The following PNPLA1 variants were observed in gnomAD, a reference collection of about 807,000 sequenced individuals.
The protein encoded by PNPLA1 is omega-hydroxyceramide transacylase.
Under a neutral mutation model 51.7 loss-of-function variants are expected in PNPLA1, and 36 were observed. The ratio of observed to expected loss-of-function variants is 0.70; its 90% confidence interval spans 0.53 to 0.92. PNPLA1 has a LOEUF of 0.92. PNPLA1 is among the 40% of genes least tolerant of loss of function. The pLI is 0.00. For synonymous variants in PNPLA1, 293 were observed against 280.1 expected (o/e 1.05, Z -0.46); for missense variants, 658 against 682.5 (o/e 0.96, Z 0.40).
chr6:36,247,548 A>G (rs530508343), intron 1 of PNPLA1, among the ~76,000 whole-genome samples: 1 of 152,362 alleles, frequency 6.6e-6, no homozygotes, highest in African/African-American at 2.4e-5. Context: ...CATATTCATT[A>G]AAGTGTATAG....
Position 36,302,265 on chromosome 6 carries a change from C to T in PNPLA1, c.1180C>T (p.Pro394Ser). ...TGGTTCATCACTGCCCACCCCACCA[C>T]CTGGACTGTCACCTCTGTCACCTCA... ...TPGSSLPTPP[P>S]GLSPLSPQQQ... is the part of the protein sequence containing the mutation. Residue 394 changes from proline (P) to serine (S), a missense_variant, in exon 6 of 9, where the codon CCT becomes TCT. Transcript: ENST00000636260. 1 of 1,614,182 alleles carries T rather than the reference C, an allele frequency of 6.2e-7. No homozygotes were observed. Among genetic ancestry groups the T allele is most frequent in the Non-Finnish European group, 8.5e-7 (1 of 1,180,036 alleles).
chr6:36,281,036 G>A (rs115544770), intron 1 of PNPLA1, among the ~76,000 whole-genome samples: 3,695 of 152,226 alleles, frequency 0.024, 126 homozygotes, highest in African/African-American at 0.078. Context: ...CAATCAATCC[G>A]CCTGCCTCCG....
chr6:36,299,751 G>C (rs1770974127), intron 5 of PNPLA1, among the ~76,000 whole-genome samples: 1 of 152,170 alleles, frequency 6.6e-6, no homozygotes, highest in Non-Finnish European at 1.5e-5. Context: ...ATGACTTTGA[G>C]CATCTTTTCA....
upstream of PNPLA1, among the ~76,000 whole-genome samples, chr6:36,265,354 G>A (rs1425890688): frequency 1.3e-5 from 2 of 151,918 alleles, no homozygotes; most frequent in African/African-American, 2.4e-5. Flanking sequence ...AGAGAAAAAA[G>A]TTATCAGACC....
rs1250195182 is a variant in PNPLA1, at chr6:36,246,402, A to G, written c.-81+3141A>G. Among the ~76,000 whole-genome samples, 5 of 152,046 alleles carry G rather than the reference A, an allele frequency of 3.3e-5. No homozygotes were observed. The East Asian group carries it at 9.7e-4, about 29-fold the overall frequency. On this transcript the variant is annotated intron_variant, in intron 1 of 7. Coordinates refer to the PNPLA1 transcript ENST00000312917. The stretch of plus-strand genomic sequence containing the variant: ...TTGTATTTTTACATGTTGCCTGGCC[A>G]TGTTGCCCAGGCCGATCTTGAACTC...
intron 1 of PNPLA1, among the ~76,000 whole-genome samples, chr6:36,290,857 A>C (rs918000667): frequency 3.9e-5 from 6 of 152,200 alleles, no homozygotes; most frequent in South Asian, 2.1e-4. Flanking sequence ...GTGGGCACCA[A>C]GCAAGTATCC....
In PNPLA1 at chr6:36,312,322, C is replaced by T. The variant is rs1432913121; in HGVS notation, c.*436C>T. 1 of 152,326 alleles carries T rather than the reference C, an allele frequency of 6.6e-6. No individual in the cohort carries two copies. The highest frequency in any genetic ancestry group is 2.1e-4 in the South Asian group (1 of 4,828). 9.4% of individuals were successfully genotyped at this position (152,326 alleles called of 1,614,324 possible). A position where few individuals can be genotyped will look rare whatever the true frequency, so the allele number is the denominator to read the frequency against. ...AACTTTCATACATGGAATGATGTTT[C>T]AAACACCCTTTTATCACCTCCCACT... is the stretch of plus-strand genomic sequence containing the variant. On this transcript the variant is annotated 3_prime_UTR_variant, in exon 9 of 9. Transcript: ENST00000636260.
intron 1 of PNPLA1, among the ~76,000 whole-genome samples, chr6:36,288,441 CTATT>C (rs1327207558): frequency 8.9e-6 from 1 of 112,860 alleles, no homozygotes; most frequent in Non-Finnish European, 1.9e-5. Flanking sequence ...TAAGGAGACC[CTATT>C]TTTTTTTTTT....
chr6:36,265,952 G>T (rs888097735), upstream of PNPLA1, among the ~76,000 whole-genome samples: 1 of 152,084 alleles, frequency 6.6e-6, no homozygotes, highest in African/African-American at 2.4e-5. Context: ...TTATAAAAAG[G>T]CTGCAGCTCC....
chr6:36,248,193 G>A (rs1314835893), intron 1 of PNPLA1, among the ~76,000 whole-genome samples: 1 of 152,102 alleles, frequency 6.6e-6, no homozygotes, highest in Non-Finnish European at 1.5e-5. Flanking sequence ...AGGAAGGGAG[G>A]TGATTTAAAA....
chr6:36,285,422 C>T (rs1770457499), intron 1 of PNPLA1, among the ~76,000 whole-genome samples: 1 of 152,230 alleles, frequency 6.6e-6, no homozygotes, highest in Non-Finnish European at 1.5e-5. Context: ...TCACTGCAGA[C>T]CTAATTCCGG....
intron 1 of PNPLA1, among the ~76,000 whole-genome samples, chr6:36,244,177 AT>A (rs1769212511): frequency 6.6e-6 from 1 of 151,526 alleles, no homozygotes; most frequent in Non-Finnish European, 1.5e-5. Context: ...AGATAATTGC[AT>A]TTACATGGTC....
chr6:36,280,463 T>C (rs1182041595), intron 1 of PNPLA1, among the ~76,000 whole-genome samples: 1 of 152,208 alleles, frequency 6.6e-6, no homozygotes, highest in East Asian at 1.9e-4. Flanking sequence ...CCATATGCAA[T>C]ACAGATTTGG....
rs1318373458 is a variant in PNPLA1 at position 36,294,077 on chromosome 6, T to C, written c.505-113T>C. The C allele has an allele frequency of 1.6e-6, 2 of 1,267,232 alleles. No homozygotes were observed. Among genetic ancestry groups the C allele is most frequent in the Non-Finnish European group, 2.2e-6 (2 of 912,294 alleles). The allele number at this position is 1,267,232 out of a possible 1,614,324, so 78.5% of individuals were successfully genotyped here. On this transcript the variant is annotated intron_variant, in intron 3 of 8. Coordinates refer to ENST00000636260, the MANE Select transcript of PNPLA1 (RefSeq NM_001374623.1). The surrounding 1 kb of genome is among the most constrained non-coding windows in gnomAD (Gnocchi z 4.2). ...CTTATCCTGAGGGGTCTTCTGGATCTTCCTTGATGGGCCCTTGAAGCTGGT... is the reference window on the plus strand; with the variant it reads ...CTTATCCTGAGGGGTCTTCTGGATCCTCCTTGATGGGCCCTTGAAGCTGGT...
chr6:36,248,961 G>C (rs919496836), intron 1 of PNPLA1, among the ~76,000 whole-genome samples: 3 of 152,218 alleles, frequency 2.0e-5, no homozygotes, highest in African/African-American at 7.2e-5. Flanking sequence ...GCCCTAGAGA[G>C]GCCCAATGGG....
chr6:36,278,738 T>G (rs1770187691), intron 1 of PNPLA1, among the ~76,000 whole-genome samples: 1 of 152,212 alleles, frequency 6.6e-6, no homozygotes, highest in South Asian at 2.1e-4. Flanking sequence ...TCCCTCAAGA[T>G]GCAGACAAGG....
chr6:36,245,530 G>A (rs1769253009), intron 1 of PNPLA1, among the ~76,000 whole-genome samples: 1 of 152,178 alleles, frequency 6.6e-6, no homozygotes, highest in African/African-American at 2.4e-5. Context: ...TGCCTGGCAG[G>A]CCCTTAAACT....
At chr6:36,256,762 G>C (rs1769542873) in intron 1 of PNPLA1, among the ~76,000 whole-genome samples, 1 of 152,126 alleles carries the variant, frequency 6.6e-6, no homozygotes, top group Non-Finnish European at 1.5e-5. Flanking sequence ...CCACATTTCT[G>C]AGGTTTGAGA....
chr6:36,299,353 G>C (rs78365440), intron 5 of PNPLA1, among the ~76,000 whole-genome samples: 9 of 57,152 alleles, frequency 1.6e-4, no homozygotes, highest in African/African-American at 9.4e-4. Context: ...TTTTTTTTTT[G>C]AGATGGAGTC....
Sources: allele counts gnomAD v4.1 joint callset (sites outside exome capture counted in the v4.1 genomes callset), GRCh38; gene constraint gnomAD v4.1.1; non-coding constraint Gnocchi (gnomAD v3.1); transcripts MANE v1.5; gene names NCBI Gene and HGNC (gene_info 2026-07-23, HGNC 2026-07-21).